The following RPGRIP1 variants were observed in gnomAD, a reference collection of about 807,000 sequenced individuals.
RPGRIP1 encodes X-linked retinitis pigmentosa GTPase regulator-interacting protein 1.
Under a neutral mutation model 157.9 loss-of-function variants are expected in RPGRIP1, and 128 were observed. The ratio of observed to expected loss-of-function variants is 0.81; its 90% confidence interval spans 0.70 to 0.94. RPGRIP1 has a LOEUF of 0.94. Ranked by LOEUF, RPGRIP1 falls within the 40% of genes least tolerant of loss-of-function variation. The pLI is 0.00. For synonymous variants in RPGRIP1, 554 were observed against 571.6 expected, an observed-to-expected ratio of 0.97 and a Z score of 0.44; for missense variants, 1,486 against 1,545.8, an observed-to-expected ratio of 0.96 and a Z score of 0.65.
At chr14:21,290,501 C>A (rs1395980888) in intron 2 of RPGRIP1, among the ~76,000 whole-genome samples, 1 of 152,020 alleles carries the variant, frequency 6.6e-6, no homozygotes, top group Non-Finnish European at 1.5e-5. Flanking sequence ...CAGTGAAAAC[C>A]CATCTATTCT....
chr14:21,307,505 G>C (rs927850964), intron 6 of RPGRIP1, among the ~76,000 whole-genome samples: 5 of 152,206 alleles, frequency 3.3e-5, no homozygotes, highest in Non-Finnish European at 5.9e-5. Context: ...CATAACATAA[G>C]CTTAAGGTTA....
intron 21 of RPGRIP1, among the ~76,000 whole-genome samples, chr14:21,335,954 TTGAG>T (rs1884319600): frequency 6.6e-6 from 1 of 152,236 alleles, no homozygotes; most frequent in Non-Finnish European, 1.5e-5. Context: ...TCAATATTTG[TTGAG>T]TGAGTGACTG....
At chr14:21,312,739 A>G (rs1272872668) in intron 10 of RPGRIP1, among the ~76,000 whole-genome samples, 1 of 149,884 alleles carries the variant, frequency 6.7e-6, no homozygotes, top group Non-Finnish European at 1.5e-5. Flanking sequence ...CCCAGGCTGG[A>G]GTGCAGTGGT....
At chr14:21,330,546 A>C (rs769301433) in intron 20 of RPGRIP1, among the ~76,000 whole-genome samples, 159 bp downstream of exon 20, 1 of 151,984 alleles carries the variant, frequency 6.6e-6, no homozygotes, top group African/African-American at 2.4e-5. Flanking sequence ...GGCGCCTGTA[A>C]TCCCAGCTAC....
Position 21,294,728 on chromosome 14 carries a change from T to A in RPGRIP1, c.137T>A (p.Leu46Ter), listed in dbSNP as rs371044065. 6.2e-7 allele frequency: 1 copy of A among 1,613,290 alleles called. No individual in the cohort carries two copies. Among genetic ancestry groups the A allele is most frequent in the Non-Finnish European group, 8.5e-7 (1 of 1,179,702 alleles). The change falls in exon 3 of 25, where the codon TTG (leucine) becomes TAG (stop). Residue 46 changes from leucine to a stop codon, truncating the protein, a stop_gained. Coordinates refer to ENST00000400017, the MANE Select transcript of RPGRIP1 (RefSeq NM_020366.4). LOFTEE classifies it high-confidence loss of function. ...TTGAGCAGGATGAACCGGGAGGAAT[T>A]GGAGGACAGTTTCTTTCGACTTCGC... ...PPLSRMNREE[L>*]EDSFFRLRED...
chr14:21,289,932 C>T (rs1880454296), intron 2 of RPGRIP1, among the ~76,000 whole-genome samples: 1 of 152,186 alleles, frequency 6.6e-6, no homozygotes, highest in African/African-American at 2.4e-5. Flanking sequence ...TCTCAGCTCA[C>T]TGCAACCTCT....
chr14:21,283,547 C>T (rs971535622), intron 1 of RPGRIP1, among the ~76,000 whole-genome samples: 2 of 152,054 alleles, frequency 1.3e-5, no homozygotes, highest in African/African-American at 4.8e-5. Flanking sequence ...GTGATCTGCC[C>T]GCCTCGGCCT....
chr14:21,335,545 A>G (rs1958115017), intron 21 of RPGRIP1, among the ~76,000 whole-genome samples: 1 of 152,136 alleles, frequency 6.6e-6, no homozygotes, highest in Admixed American at 6.6e-5. Context: ...AAAAAAGAAA[A>G]AAAAGCCGGT....
rs3748360 is a variant in RPGRIP1, at chr14:21,324,657, C to G, written c.1802C>G (p.Ser601Trp). 5.4e-5 allele frequency: 87 copies of G among 1,613,906 alleles called. No homozygotes were observed. In the East Asian group the frequency reaches 1.9e-3, roughly 35 times the overall value. ...KDVAYGTRPL[S>W]LCLETLPAHG... ...GTTGCTTATGGCACCCGACCGTTGT[C>G]GTTATGTTTGGAAACACTGCCAGCC... Residue 601 changes from serine to tryptophan, a missense_variant, in exon 15 of 25, where the codon TCG (serine) becomes TGG (tryptophan). Coordinates refer to ENST00000400017, the MANE Select transcript of RPGRIP1 (RefSeq NM_020366.4).
At chr14:21,305,659 G>A (rs768097636) in intron 6 of RPGRIP1, among the ~76,000 whole-genome samples, 11 of 152,130 alleles carry the variant, frequency 7.2e-5, no homozygotes, top group Non-Finnish European at 1.6e-4. Flanking sequence ...TCAGGAGATC[G>A]AAAACAGCCT....
intron 21 of RPGRIP1, among the ~76,000 whole-genome samples, chr14:21,335,626 C>T (rs548723581): frequency 3.8e-4 from 58 of 152,096 alleles, no homozygotes; most frequent in African/African-American, 1.3e-3. Flanking sequence ...GTCAGGAGAT[C>T]GAGACCATCC....
rs539175464 is a variant in RPGRIP1 at position 21,325,160 on chromosome 14, T to G, written c.2216-72T>G. The stretch of plus-strand genomic sequence containing the variant: ...GCTTTTCTGGTGGTTTCTTATTTTC[T>G]TCCTTTGTCTTGTTCTTGATCCTTG... On this transcript the variant is annotated intron_variant, in intron 15 of 24. Coordinates refer to ENST00000400017, the MANE Select transcript of RPGRIP1 (RefSeq NM_020366.4). 14 of 1,540,796 alleles carry G rather than the reference T, an allele frequency of 9.1e-6. No homozygotes were observed. The African/African-American group carries it at 1.7e-4, about 18-fold the overall frequency.
At chr14:21,298,892 A>G (rs1225573380) in intron 3 of RPGRIP1, among the ~76,000 whole-genome samples, 2 of 147,160 alleles carry the variant, frequency 1.4e-5, no homozygotes, top group African/African-American at 5.0e-5. Context: ...GTGAGCAGAG[A>G]TCGCACCACT....
intron 21 of RPGRIP1, among the ~76,000 whole-genome samples, chr14:21,338,232 T>A (rs192571151): frequency 4.2e-4 from 64 of 152,272 alleles, no homozygotes; most frequent in African/African-American, 1.4e-3. Flanking sequence ...TTCTTAACAG[T>A]TACTAATGAG....
chr14:21,311,336 A>G (rs4981370), intron 8 of RPGRIP1, among the ~76,000 whole-genome samples: 82,114 of 152,012 alleles, frequency 0.54, 22,237 homozygotes, highest in South Asian at 0.61. Context: ...TGGATGACCT[A>G]AGGTCAGGAG....
chr14:21,281,737 TC>T, intron 1 of RPGRIP1, among the ~76,000 whole-genome samples: 1 of 144,720 alleles, frequency 6.9e-6, no homozygotes. Flanking sequence ...ATAATAATAA[TC>T]AGAGTAAGGG....
intron 2 of RPGRIP1, among the ~76,000 whole-genome samples, chr14:21,293,663 G>A (rs1880629739): frequency 6.6e-6 from 1 of 152,154 alleles, no homozygotes; most frequent in African/African-American, 2.4e-5. Flanking sequence ...TGGATCACAA[G>A]GTCAAGAGAT....
chr14:21,337,194 A>G (rs1404658799), intron 21 of RPGRIP1, among the ~76,000 whole-genome samples: 1 of 152,102 alleles, frequency 6.6e-6, no homozygotes, highest in Non-Finnish European at 1.5e-5. Context: ...AGTGATTTAG[A>G]TCCCAGCTCT....
rs759080621 is a variant in RPGRIP1 at position 21,317,800 on chromosome 14, C to T, written c.1256C>T (p.Ala419Val). ...QVSQLQDQLD[A>V]ELEDKRKVLL... ...TCTCAGCTGCAGGATCAGCTGGATG[C>T]TGAGCTGGAGGACAAGAGAAAAGTT... Residue 419 changes from alanine (A) to valine (V), a missense_variant, in exon 11 of 25, where the codon GCT becomes GTT. Coordinates refer to ENST00000400017, the MANE Select transcript of RPGRIP1 (RefSeq NM_020366.4). The T allele has an allele frequency of 6.2e-7, 1 of 1,605,396 alleles. No individual in the cohort carries two copies. Among genetic ancestry groups the T allele is most frequent in the East Asian group, 2.2e-5 (1 of 44,726 alleles).
Sources: allele counts gnomAD v4.1 joint callset (sites outside exome capture counted in the v4.1 genomes callset), GRCh38; gene constraint gnomAD v4.1.1; transcripts MANE v1.5; gene names NCBI Gene and HGNC (gene_info 2026-07-23, HGNC 2026-07-21).